The following PDXDC1 variants were observed in gnomAD, a reference collection of about 807,000 sequenced individuals.
PDXDC1 encodes the protein pyridoxal dependent decarboxylase domain containing 1.
PDXDC1 carries 42 observed loss-of-function variants against 100.1 expected under a neutral mutation model. The ratio of observed to expected loss-of-function variants is 0.42; its 90% CI spans 0.33 to 0.54. The LOEUF (loss-of-function observed/expected upper bound fraction) is 0.54, where lower values mean the gene tolerates loss of function less well. PDXDC1 is among the 20% of genes least tolerant of loss of function. PDXDC1 has a pLI of 0.10. For missense variants in PDXDC1, 636 were observed against 979.2 expected, an observed-to-expected ratio of 0.65 and a Z score of 4.68; for synonymous variants, 260 against 371.7, an observed-to-expected ratio of 0.70 and a Z score of 3.46.
intron 12 of PDXDC1, among the ~76,000 whole-genome samples, chr16:15,021,371 T>C (rs2042190306): frequency 6.6e-6 from 1 of 152,064 alleles, no homozygotes; most frequent in Non-Finnish European, 1.5e-5. Context: ...GGCGACAGAG[T>C]AGGACCCTGT....
chr16:15,000,092 G>C (rs1339150331), intron 3 of PDXDC1, among the ~76,000 whole-genome samples: 3 of 152,282 alleles, frequency 2.0e-5, no homozygotes, highest in East Asian at 3.9e-4. Context: ...CTCAGAACAG[G>C]AGGCAGGCCC....
At chr16:15,110,082 A>T (rs1192793653) in intron 16 of PDXDC1, among the ~76,000 whole-genome samples, 2 of 149,324 alleles carry the variant, frequency 1.3e-5, no homozygotes, top group African/African-American at 4.9e-5. Context: ...TGAACCCAAA[A>T]GACAGTGAGC....
At chr16:15,141,185 T>C (rs1466798512), downstream of PDXDC1, among the ~76,000 whole-genome samples, 3 of 151,838 alleles carry the variant, frequency 2.0e-5, no homozygotes, top group Non-Finnish European at 4.4e-5. Context: ...GCCCTGCTCC[T>C]CCCACCGGAG....
At chr16:15,086,454 C>T in intron 16 of PDXDC1, 1 of 1,611,916 alleles carries the variant, frequency 6.2e-7, no homozygotes, top group Non-Finnish European at 8.5e-7. Context: ...ATCTGGTCAT[C>T]CTTAAGTTAA....
chr16:15,137,396 G>A (rs1420861190), intron 16 of PDXDC1: 27 of 1,510,944 alleles, frequency 1.8e-5, no homozygotes, highest in South Asian at 1.7e-4. Context: ...GCCCTGCTCC[G>A]AGAGGGCTGC....
At chr16:14,974,842 T>C (rs1966533071), upstream of PDXDC1, 3 of 1,535,614 alleles carry the variant, frequency 2.0e-6, no homozygotes, top group East Asian at 2.4e-5. Context: ...ACTCCATGAA[T>C]AGTACTTTGT....
chr16:15,097,376 G>A (rs1287891541), intron 16 of PDXDC1, among the ~76,000 whole-genome samples: 3 of 149,100 alleles, frequency 2.0e-5, no homozygotes, highest in African/African-American at 7.4e-5. Context: ...TGTAATCCCA[G>A]CACTTTGGGA....
At chr16:15,131,654 G>A in intron 16 of PDXDC1, 3 of 1,579,762 alleles carry the variant, frequency 1.9e-6, no homozygotes, top group South Asian at 1.1e-5. Context: ...TCGGCTCCCA[G>A]CTCTGAGCGC....
At chr16:15,082,529 G>T (rs540742344) in intron 16 of PDXDC1, among the ~76,000 whole-genome samples, 12 of 151,794 alleles carry the variant, frequency 7.9e-5, no homozygotes, top group African/African-American at 2.7e-4. Flanking sequence ...AAAAATTAGC[G>T]GGGTGTGGTG....
At chr16:15,094,361 G>C in intron 16 of PDXDC1, 4 of 843,140 alleles carry the variant, frequency 4.7e-6, no homozygotes, top group Non-Finnish European at 7.5e-6. Flanking sequence ...CGTGGGGAGG[G>C]CGTATGCTCT....
At chr16:15,110,122 G>T (rs1429308471) in intron 16 of PDXDC1, among the ~76,000 whole-genome samples, 1 of 148,724 alleles carries the variant, frequency 6.7e-6, no homozygotes, top group Non-Finnish European at 1.5e-5. Context: ...TACAGCCTGG[G>T]CAACACGAGC....
At chr16:15,124,090 G>A (rs1388035797) in intron 16 of PDXDC1, among the ~76,000 whole-genome samples, 1 of 152,202 alleles carries the variant, frequency 6.6e-6, no homozygotes, top group Non-Finnish European at 1.5e-5. Flanking sequence ...AGGAATCTAT[G>A]CATTTCAAGA....
Position 15,034,474 on chromosome 16 carries a change from C to T in PDXDC1, c.1923C>T (p.Ile641=). The change falls in exon 21 of 23, where the codon ATC becomes ATT. Residue 641 remains isoleucine, a synonymous_variant. Transcript: ENST00000396410. ...TCTTGCAGGGGGTGTTGCGGCAGATCCCTGTAGTGGGCTCCGTGCTGAATT... is the reference window on the plus strand; with the variant it reads ...TCTTGCAGGGGGTGTTGCGGCAGATTCCTGTAGTGGGCTCCGTGCTGAATT... ...RLLEEGVLRQ[I]PVVGSVLNWF... is the part of the protein sequence containing the mutation. The T allele has an allele frequency of 6.2e-7, 1 of 1,614,108 alleles. No homozygotes were observed. The highest frequency in any genetic ancestry group is 1.1e-5 in the South Asian group (1 of 91,078).
At chr16:15,045,298 A>AG (rs2044010728) in intron 16 of PDXDC1, 1 of 151,240 alleles carries the variant, frequency 6.6e-6, no homozygotes, top group South Asian at 2.1e-4. Flanking sequence ...ACTCCGTCTC[A>AG]GGGGGAAAAA....
At chr16:15,091,862 G>A (rs2046141740) in intron 16 of PDXDC1, among the ~76,000 whole-genome samples, 1 of 152,118 alleles carries the variant, frequency 6.6e-6, no homozygotes, top group African/African-American at 2.4e-5. Flanking sequence ...CCAAAGTAAT[G>A]CTTAGGTAAG....
chr16:15,132,291 C>A (rs1414265869), intron 16 of PDXDC1, among the ~76,000 whole-genome samples: 2 of 22,134 alleles, frequency 9.0e-5, no homozygotes, highest in East Asian at 3.6e-3. Context: ...AGGGGAAGGT[C>A]TAGGGGAGGG....
chr16:15,078,000 C>T lies in PDXDC1; in HGVS notation c.1399+47944C>T, dbSNP rs116960893. Among the ~76,000 whole-genome samples the T allele has an allele frequency of 1.2e-3, 184 of 152,296 alleles. 1 individual carries two copies. The highest frequency in any genetic ancestry group is 2.2e-3 in the Non-Finnish European group (151 of 68,030). On this transcript the variant is annotated intron_variant, in intron 16 of 16. Coordinates refer to the PDXDC1 transcript ENST00000535621. Reference sequence around the variant, plus strand: ...AACTGAGCAGAAAAATGATGAACTGCCAGCCAAATGTGCATGATGCAATAT... The same window carrying T: ...AACTGAGCAGAAAAATGATGAACTGTCAGCCAAATGTGCATGATGCAATAT...
intron 13 of PDXDC1, chr16:15,026,411 G>A: frequency 1.8e-6 from 1 of 553,352 alleles, no homozygotes; most frequent in Non-Finnish European, 3.2e-6. Context: ...CAATGTACCA[G>A]GGTCAAACAT....
intron 16 of PDXDC1, among the ~76,000 whole-genome samples, chr16:15,078,905 G>A (rs1169546632): frequency 3.3e-5 from 5 of 150,004 alleles, no homozygotes; most frequent in Admixed American, 6.7e-5. Flanking sequence ...TCCACCTCCC[G>A]GATTCACACC....
Sources: gnomAD v4.1 joint callset for allele counts (sites outside exome capture counted in the v4.1 genomes callset) on GRCh38, gnomAD v4.1.1 for gene constraint, MANE v1.5 for transcripts, NCBI Gene and HGNC (gene_info 2026-07-23, HGNC 2026-07-21) for gene names.